The following STON2 variants were observed in gnomAD, a reference collection of about 807,000 sequenced individuals.
STON2 encodes stonin 2.
A neutral mutation model predicts 65.7 loss-of-function variants in STON2; 29 were observed. The observed-to-expected ratio is 0.44, with a 90% CI of 0.33 to 0.60. The LOEUF (loss-of-function observed/expected upper bound fraction) is 0.60. Ranked by LOEUF, STON2 falls within the 20% of genes least tolerant of loss-of-function variation. The probability of loss-of-function intolerance (pLI) is 0.03; values close to 1 mark genes in which losing one functional copy is unlikely to be tolerated. For missense variants in STON2, 1,054 were observed against 1,118.1 expected, an observed-to-expected ratio of 0.94 and a Z score of 0.82; for synonymous variants, 404 against 414.2, an observed-to-expected ratio of 0.98 and a Z score of 0.30.
intron 5 of STON2, among the ~76,000 whole-genome samples, chr14:81,292,703 T>C (rs1895605847): frequency 6.6e-6 from 1 of 152,178 alleles, no homozygotes; most frequent in Non-Finnish European, 1.5e-5. Flanking sequence ...AATTACCCAG[T>C]CTTGGGCAGT....
intron 3 of STON2, among the ~76,000 whole-genome samples, chr14:81,390,916 G>C (rs1900049240): frequency 6.6e-6 from 1 of 152,172 alleles, no homozygotes; most frequent in Non-Finnish European, 1.5e-5. Flanking sequence ...GTGGCTGCCG[G>C]CATTCCTTGG....
At chr14:81,360,306 A>G (rs1257917859) in intron 4 of STON2, among the ~76,000 whole-genome samples, 1 of 152,230 alleles carries the variant, frequency 6.6e-6, no homozygotes, top group Non-Finnish European at 1.5e-5. Context: ...TAAATTTAAT[A>G]GCACATTAAA....
intron 1 of STON2, among the ~76,000 whole-genome samples, chr14:81,434,320 G>GC (rs1261678168): frequency 2.6e-5 from 4 of 152,128 alleles, no homozygotes; most frequent in Non-Finnish European, 5.9e-5. Context: ...AGAAGTCTTT[G>GC]CCCCGCCCAA....
In STON2 at chr14:81,411,525, G is replaced by A. The variant is rs547829106; in HGVS notation, c.-198-12945C>T. Among the ~76,000 whole-genome samples the A allele has an allele frequency of 1.7e-3, 252 of 152,296 alleles. 2 individuals carry two copies. The South Asian group carries it at 0.021, about 12-fold the overall frequency. ...AGTTTGAGACCAGCCTGACCAACAT[G>A]GTGAAACCCTGCCTCTACTAAAAAT... On this transcript the variant is annotated intron_variant, in intron 2 of 8. Coordinates refer to the STON2 transcript ENST00000553821.
intron 3 of STON2, among the ~76,000 whole-genome samples, chr14:81,381,605 G>A (rs919060849): frequency 6.6e-6 from 1 of 152,078 alleles, no homozygotes; most frequent in South Asian, 2.1e-4. Context: ...GATATATTAA[G>A]ATCCTGTTAC....
chr14:81,426,092 C>T (rs1401609943), intron 2 of STON2, among the ~76,000 whole-genome samples: 4 of 152,220 alleles, frequency 2.6e-5, no homozygotes, highest in Non-Finnish European at 4.4e-5. Flanking sequence ...TTACTGAGCC[C>T]TCACACCTAT....
chr14:81,324,610 A>G (rs1566909212), intron 4 of STON2, among the ~76,000 whole-genome samples: 1 of 152,220 alleles, frequency 6.6e-6, no homozygotes, highest in African/African-American at 2.4e-5. Context: ...GATTTAAACA[A>G]TGAGTTTCTG....
chr14:81,332,738 T>A (rs1363337727), intron 4 of STON2, among the ~76,000 whole-genome samples: 1 of 152,230 alleles, frequency 6.6e-6, no homozygotes, highest in African/African-American at 2.4e-5. Context: ...GACATTGTCA[T>A]AATAACTATA....
At chr14:81,430,161 C>T (rs1214885320) in intron 1 of STON2, among the ~76,000 whole-genome samples, 1 of 152,182 alleles carries the variant, frequency 6.6e-6, no homozygotes, top group South Asian at 2.1e-4. Context: ...CCTGAACCTT[C>T]CCAGCCCAGC....
chr14:81,262,414 C>A lies in STON2; in HGVS notation c.*6000G>T, dbSNP rs933939299. ...TAAATATTTGTTGAGTTGAATTAAT[C>A]CTGCCATCTATCCCTTTTTACTATG... On this transcript the variant is annotated 3_prime_UTR_variant, in exon 8 of 8. Transcript: ENST00000614646. The A allele has an allele frequency of 6.1e-6, 6 of 984,518 alleles. No homozygotes were observed. The highest frequency in any genetic ancestry group is 7.2e-6 in the Non-Finnish European group (6 of 829,550). The allele number at this position is 984,518 out of a possible 1,614,324, so 61.0% of individuals were successfully genotyped here. A position where few individuals can be genotyped will look rare whatever the true frequency, so the allele number is the denominator to read the frequency against.
chr14:81,406,642 C>CAT (rs1900876450), intron 2 of STON2, among the ~76,000 whole-genome samples: 1 of 152,156 alleles, frequency 6.6e-6, no homozygotes, highest in Admixed American at 6.5e-5. Context: ...ACAGGCTTTC[C>CAT]ATACTTGGTT....
chr14:81,399,261 G>A lies in STON2; in HGVS notation c.-198-681C>T, dbSNP rs77879279. Among the ~76,000 whole-genome samples the A allele has an allele frequency of 1.3e-3, 194 of 152,228 alleles. 4 individuals are homozygous for A. In the East Asian group the frequency reaches 0.02, roughly 15 times the overall value. ...TAGGAATACAGAAAGATTCTTAATT[G>A]ACATAATTTTGTTCATGGTATTAAT... On this transcript the variant is annotated intron_variant, in intron 1 of 7. Coordinates refer to ENST00000614646, the MANE Select transcript of STON2 (RefSeq NM_001394390.1).
At chr14:81,408,684 C>T (rs1413451388) in intron 2 of STON2, among the ~76,000 whole-genome samples, 1 of 152,168 alleles carries the variant, frequency 6.6e-6, no homozygotes, top group Non-Finnish European at 1.5e-5. Context: ...TCAACAATCC[C>T]TATGGCTCTG....
chr14:81,388,973 T>C (rs1899952609), intron 3 of STON2, among the ~76,000 whole-genome samples: 1 of 152,178 alleles, frequency 6.6e-6, no homozygotes, highest in African/African-American at 2.4e-5. Flanking sequence ...CTCCTCCTCC[T>C]TCTCCTCCCA....
intron 5 of STON2, among the ~76,000 whole-genome samples, chr14:81,305,466 T>C (rs6574640): frequency 4.6e-5 from 7 of 152,008 alleles, no homozygotes; most frequent in African/African-American, 1.7e-4. Flanking sequence ...ACACTGAAGG[T>C]GTATACCTTT....
chr14:81,286,436 GAA>G (rs1895336695), intron 5 of STON2, among the ~76,000 whole-genome samples: 1 of 152,184 alleles, frequency 6.6e-6, no homozygotes, highest in Non-Finnish European at 1.5e-5. Flanking sequence ...CTGTTCACCA[GAA>G]AAAGATTATG....
At chr14:81,309,652 A>G (rs894119134) in intron 5 of STON2, among the ~76,000 whole-genome samples, 1 of 152,142 alleles carries the variant, frequency 6.6e-6, no homozygotes, top group African/African-American at 2.4e-5. Flanking sequence ...CAGGAATCTT[A>G]TTTTGTTTTG....
chr14:81,390,495 T>C (rs1259706988), intron 3 of STON2, among the ~76,000 whole-genome samples: 1 of 152,052 alleles, frequency 6.6e-6, no homozygotes, highest in South Asian at 2.1e-4. Context: ...CCTTAAGAAA[T>C]ACCCTGCATC....
intron 5 of STON2, among the ~76,000 whole-genome samples, chr14:81,312,626 C>G (rs555886544): frequency 2.6e-5 from 4 of 152,350 alleles, no homozygotes; most frequent in Non-Finnish European, 4.4e-5. Context: ...AAGGAATTCT[C>G]CCTCTTGCCT....
Sources: gnomAD v4.1 joint callset for allele counts (sites outside exome capture counted in the v4.1 genomes callset) on GRCh38, gnomAD v4.1.1 for gene constraint, MANE v1.5 for transcripts, NCBI Gene and HGNC (gene_info 2026-07-23, HGNC 2026-07-21) for gene names.